The following ARMC3 variants were observed in gnomAD, a reference collection of about 807,000 sequenced individuals.
The protein encoded by ARMC3 is armadillo repeat containing 3.
A neutral mutation model predicts 90.3 loss-of-function variants in ARMC3; 74 were observed. That is an observed-to-expected ratio of 0.82 (90% CI 0.68 to 0.99). ARMC3 has a LOEUF of 0.99. Among genes scored for constraint, ARMC3 ranks in the 50% least tolerant of loss-of-function variants. The pLI is 0.00. For missense variants in ARMC3, 958 were observed against 1,042.8 expected, an observed-to-expected ratio of 0.92 and a Z score of 1.12; for synonymous variants, 334 against 361.8, an observed-to-expected ratio of 0.92 and a Z score of 0.87.
chr10:23,010,219 C>T (rs1468744952), intron 16 of ARMC3, among the ~76,000 whole-genome samples: 1 of 146,328 alleles, frequency 6.8e-6, no homozygotes, highest in Non-Finnish European at 1.5e-5. Context: ...CTTCTTTGTC[C>T]TTCCCTTCCC....
intron 16 of ARMC3, among the ~76,000 whole-genome samples, chr10:23,029,851 T>C (rs919500483): frequency 6.6e-6 from 1 of 152,004 alleles, no homozygotes; most frequent in Admixed American, 6.5e-5. Flanking sequence ...CATGCCATTC[T>C]CATTTTGTAG....
chr10:23,018,796 G>A (rs12257887), intron 16 of ARMC3, among the ~76,000 whole-genome samples: 15,766 of 152,150 alleles, frequency 0.1, 1,077 homozygotes, highest in African/African-American at 0.19. Flanking sequence ...GATTACAGGC[G>A]TGAGCCACCA....
At chr10:22,973,306 T>TAAG (rs1835755189) in intron 8 of ARMC3, among the ~76,000 whole-genome samples, 1 of 146,788 alleles carries the variant, frequency 6.8e-6, no homozygotes, top group Non-Finnish European at 1.5e-5. Flanking sequence ...ATAATAATAA[T>TAAG]AATAATAATA....
At chr10:22,945,325 A>G (rs936233961) in intron 2 of ARMC3, among the ~76,000 whole-genome samples, 2 of 152,206 alleles carry the variant, frequency 1.3e-5, no homozygotes, top group African/African-American at 2.4e-5. Flanking sequence ...TATCCCAAGC[A>G]GAACTCCATC....
intron 10 of ARMC3, among the ~76,000 whole-genome samples, chr10:22,992,960 C>T (rs1214388455): frequency 2.0e-5 from 2 of 100,094 alleles, no homozygotes; most frequent in African/African-American, 4.0e-5. Flanking sequence ...GAGTGTCTGC[C>T]GCCAATATGT....
In ARMC3 at chr10:23,030,762, A is replaced by G; in HGVS notation, c.2212A>G (p.Thr738Ala). 1 of 1,613,622 alleles carries G rather than the reference A, an allele frequency of 6.2e-7. No individual in the cohort carries two copies. The highest frequency in any genetic ancestry group is 8.5e-7 in the Non-Finnish European group (1 of 1,179,686). The change falls in exon 17 of 19, where the codon ACC becomes GCC. Residue 738 changes from threonine to alanine, a missense_variant. Thr to Ala is a moderately conservative substitution (Grantham distance 58). Transcript: ENST00000298032. Reference protein sequence around the residue: ...YEVTKSILPITNIKEQIEDLA... With the variant: ...YEVTKSILPIANIKEQIEDLA... ...GGTGACCAAATCAATACTGCCAATAACCAATATTAAGGAACAGATTGAGGA... is the reference window on the plus strand; with the variant it reads ...GGTGACCAAATCAATACTGCCAATAGCCAATATTAAGGAACAGATTGAGGA...
intron 8 of ARMC3, among the ~76,000 whole-genome samples, chr10:22,971,441 G>GATT (rs1835679566): frequency 7.8e-6 from 1 of 128,544 alleles, no homozygotes; most frequent in Non-Finnish European, 1.7e-5. Context: ...TATATTTTTA[G>GATT]TTTTTTTTTT....
chr10:22,998,133 C>T lies in ARMC3; in HGVS notation c.1176-15C>T, dbSNP rs1415927810. ...ATTCAGATGAATCACATTCATTTCTCTTTCATTTACTCAGCGCTGCTGCTG... is the reference window on the plus strand; with the variant it reads ...ATTCAGATGAATCACATTCATTTCTTTTTCATTTACTCAGCGCTGCTGCTG... On this transcript the variant is annotated splice_polypyrimidine_tract_variant and intron_variant, in intron 10 of 18. Transcript: ENST00000298032. 1 of 1,609,678 alleles carries T rather than the reference C, an allele frequency of 6.2e-7. No homozygotes were observed. Among genetic ancestry groups the T allele is most frequent in the East Asian group, 2.2e-5 (1 of 44,776 alleles).
intron 8 of ARMC3, among the ~76,000 whole-genome samples, chr10:22,971,817 T>C (rs1835696631): frequency 6.6e-6 from 1 of 152,200 alleles, no homozygotes; most frequent in South Asian, 2.1e-4. Flanking sequence ...CCATAACCAA[T>C]GCACAAGAGT....
chr10:22,970,424 G>A (rs1835632163), intron 8 of ARMC3, among the ~76,000 whole-genome samples: 1 of 152,206 alleles, frequency 6.6e-6, no homozygotes, highest in Non-Finnish European at 1.5e-5. Flanking sequence ...AGTGCTCATG[G>A]ACATTATAAG....
chr10:23,004,670 A>C (rs1478787027), intron 13 of ARMC3, among the ~76,000 whole-genome samples: 4 of 152,180 alleles, frequency 2.6e-5, no homozygotes, highest in Non-Finnish European at 5.9e-5. Context: ...GCCATAAGTC[A>C]CATCACTGAG....
intron 8 of ARMC3, among the ~76,000 whole-genome samples, chr10:22,975,541 G>A (rs1564365757): frequency 1.3e-5 from 2 of 152,120 alleles, no homozygotes; most frequent in South Asian, 4.2e-4. Context: ...CTCCAGCCTG[G>A]GCAACAACAG....
chr10:23,037,271 C>A lies in ARMC3; in HGVS notation c.2411C>A (p.Ala804Asp). 1 of 1,586,674 alleles carries A rather than the reference C, an allele frequency of 6.3e-7. No individual in the cohort carries two copies. Residue 804 changes from alanine (A) to aspartate (D), a missense_variant and splice_region_variant, in exon 19 of 19, where the codon GCT becomes GAT. By Grantham distance (126) the Ala-to-Asp change is moderately radical (BLOSUM62 -2). Coordinates refer to ENST00000298032, the MANE Select transcript of ARMC3 (RefSeq NM_173081.5). Reference sequence around the variant, plus strand: ...TTGATCTCTTGTTTTCTCCTGCAGGCTCTGGCTGATAGAATTGGCATTGGT... The same window carrying A: ...TTGATCTCTTGTTTTCTCCTGCAGGATCTGGCTGATAGAATTGGCATTGGT... ...IFYHRALLFK[A>D]LADRIGIGCS...
At chr10:22,981,523 AT>A in intron 9 of ARMC3, 31 bp downstream of exon 9, 1 of 1,613,224 alleles carries the variant, frequency 6.2e-7, no homozygotes, top group Non-Finnish European at 8.5e-7. Context: ...TCTTTTGAGC[AT>A]TTTTAGGTTA....
chr10:22,966,378 A>G (rs1310235785), intron 7 of ARMC3, among the ~76,000 whole-genome samples: 1 of 152,218 alleles, frequency 6.6e-6, no homozygotes, highest in Non-Finnish European at 1.5e-5. Context: ...AATCTCACCT[A>G]GCACAGCTCC....
chr10:22,982,559 T>A (rs1360806412), intron 10 of ARMC3, among the ~76,000 whole-genome samples: 5 of 152,218 alleles, frequency 3.3e-5, no homozygotes, highest in Non-Finnish European at 7.3e-5. Context: ...TTACTTAATT[T>A]TCCCAGGTAC....
intron 10 of ARMC3, among the ~76,000 whole-genome samples, chr10:22,989,309 A>G (rs952919977): frequency 2.0e-5 from 3 of 152,292 alleles, no homozygotes; most frequent in Admixed American, 1.3e-4. Context: ...TCCCCTATTA[A>G]GGTGTAGTCA....
chr10:23,030,152 A>G (rs12263261), intron 16 of ARMC3, among the ~76,000 whole-genome samples: 5,957 of 152,214 alleles, frequency 0.039, 363 homozygotes, highest in African/African-American at 0.14. Flanking sequence ...TATAGACTCT[A>G]TAAAATTCTC....
In ARMC3 at chr10:23,002,072, T is replaced by C. The variant is rs1837320016; in HGVS notation, c.1562+17T>C. On this transcript the variant is annotated intron_variant, in intron 12 of 18. Transcript: ENST00000298032. Reference sequence around the variant, plus strand: ...CAGGCTCGGGTGAGTGGATGCCATCTCAAGTTTCTGGCTCAGATGAAGAGC... The same window carrying C: ...CAGGCTCGGGTGAGTGGATGCCATCCCAAGTTTCTGGCTCAGATGAAGAGC... 3 of 1,611,604 alleles carry C rather than the reference T, an allele frequency of 1.9e-6. 1 individual carries two copies. The South Asian group carries it at 3.3e-5, about 18-fold the overall frequency.
Sources: gnomAD v4.1 joint callset for allele counts (sites outside exome capture counted in the v4.1 genomes callset) on GRCh38, gnomAD v4.1.1 for gene constraint, MANE v1.5 for transcripts, NCBI Gene and HGNC (gene_info 2026-07-23, HGNC 2026-07-21) for gene names.